NTRK3: variants seen among roughly 807,000 people sequenced by gnomAD.
NTRK3 encodes the protein NT-3 growth factor receptor.
A neutral mutation model predicts 91.7 loss-of-function variants in NTRK3; 24 were observed. That is an observed-to-expected ratio of 0.26 (90% CI 0.19 to 0.37). The LOEUF (loss-of-function observed/expected upper bound fraction) is 0.37, where lower values mean the gene tolerates loss of function less well. Among genes scored for constraint, NTRK3 ranks in the 10% least tolerant of loss-of-function variants. The pLI is 1.00. For synonymous variants in NTRK3, 483 were observed against 404.0 expected (o/e 1.20, Z -2.34); for missense variants, 880 against 1,068.9 (o/e 0.82, Z 2.46).
chr15:87,876,993 T>C (rs766455393), exon 19 of NTRK3: 1 of 1,613,966 alleles, frequency 6.2e-7, no homozygotes, highest in Non-Finnish European at 8.5e-7. Flanking sequence ...GAGGATTTTG[T>C]AGATCTCCTT....
chr15:87,919,608 G>A (rs368288560), intron 17 of NTRK3, among the ~76,000 whole-genome samples: 4 of 152,288 alleles, frequency 2.6e-5, no homozygotes, highest in African/African-American at 9.6e-5. Flanking sequence ...GGAGTGCAAA[G>A]ATGATAGCAA....
chr15:87,889,927 C>T (rs1467772407), intron 17 of NTRK3, among the ~76,000 whole-genome samples: 1 of 151,154 alleles, frequency 6.6e-6, no homozygotes. Flanking sequence ...GATTCCCCTA[C>T]CTTCTGCCCC....
intron 17 of NTRK3, among the ~76,000 whole-genome samples, chr15:87,914,531 A>G (rs958296072): frequency 6.6e-6 from 1 of 152,210 alleles, no homozygotes; most frequent in East Asian, 1.9e-4. Flanking sequence ...CATCTAATAT[A>G]GTATTATGTA....
chr15:88,041,045 C>T (rs938022869), intron 13 of NTRK3, among the ~76,000 whole-genome samples: 2 of 152,226 alleles, frequency 1.3e-5, no homozygotes, highest in Non-Finnish European at 2.9e-5. Flanking sequence ...ATTTTCTCAA[C>T]AGTATGGCTG....
intron 13 of NTRK3, among the ~76,000 whole-genome samples, chr15:88,073,324 T>C (rs1462128344): frequency 6.6e-6 from 1 of 152,188 alleles, no homozygotes; most frequent in Non-Finnish European, 1.5e-5. Context: ...AAGCATGGCC[T>C]AAAACAGTGA....
chr15:88,036,503 G>A (rs1265818358), intron 13 of NTRK3, among the ~76,000 whole-genome samples: 2 of 152,022 alleles, frequency 1.3e-5, no homozygotes, highest in Non-Finnish European at 2.9e-5. Flanking sequence ...GCTTGTCCCC[G>A]TCTTAGCATG....
chr15:88,048,075 A>C (rs887818262), intron 13 of NTRK3, among the ~76,000 whole-genome samples: 1 of 152,202 alleles, frequency 6.6e-6, no homozygotes, highest in African/African-American at 2.4e-5. Flanking sequence ...CTTCTTAGGC[A>C]GTCAATAAAT....
chr15:87,943,626 ACT>A (rs1390213912), intron 14 of NTRK3, among the ~76,000 whole-genome samples: 2 of 151,956 alleles, frequency 1.3e-5, no homozygotes, highest in Admixed American at 6.6e-5. Flanking sequence ...AGAGAACCAG[ACT>A]CTGTTTTTCA....
At chr15:87,923,905 G>A (rs2068079308) in intron 17 of NTRK3, among the ~76,000 whole-genome samples, 1 of 152,138 alleles carries the variant, frequency 6.6e-6, no homozygotes, top group Non-Finnish European at 1.5e-5. Context: ...CTTCTGCCAT[G>A]TTATGACACA....
intron 13 of NTRK3, among the ~76,000 whole-genome samples, chr15:88,040,240 C>A (rs2079471450): frequency 6.6e-6 from 1 of 152,230 alleles, no homozygotes; most frequent in Non-Finnish European, 1.5e-5. Context: ...GAAAGCAAAA[C>A]TTTCTGATGG....
At chr15:87,896,096 G>A (rs189261779) in intron 17 of NTRK3, among the ~76,000 whole-genome samples, 7 of 152,202 alleles carry the variant, frequency 4.6e-5, no homozygotes, top group Admixed American at 2.6e-4. Flanking sequence ...CGACCACATT[G>A]GGCACATGTT....
chr15:88,211,843 A>G (rs1173110164), intron 3 of NTRK3, among the ~76,000 whole-genome samples: 1 of 152,238 alleles, frequency 6.6e-6, no homozygotes, highest in Non-Finnish European at 1.5e-5. Context: ...TGCAGAGGAC[A>G]TGTTCTTATA....
At chr15:87,966,457 C>T (rs931105794) in intron 14 of NTRK3, among the ~76,000 whole-genome samples, 1 of 152,174 alleles carries the variant, frequency 6.6e-6, no homozygotes, top group African/African-American at 2.4e-5. Flanking sequence ...CCTTCTCTTC[C>T]ACCCCCATCT....
intron 13 of NTRK3, among the ~76,000 whole-genome samples, chr15:88,075,290 G>A (rs553582237): frequency 1.3e-5 from 2 of 152,196 alleles, no homozygotes; most frequent in Non-Finnish European, 2.9e-5. Context: ...TCTGCATGAC[G>A]TCAGCCCCTG....
intron 14 of NTRK3, among the ~76,000 whole-genome samples, chr15:87,993,619 C>T (rs1175671770): frequency 1.3e-5 from 2 of 152,122 alleles, no homozygotes; most frequent in Non-Finnish European, 2.9e-5. Flanking sequence ...ATCACCTCCC[C>T]CAAAGGCCTA....
At chr15:88,056,640 C>T (rs754510062) in intron 13 of NTRK3, among the ~76,000 whole-genome samples, 10 of 152,198 alleles carry the variant, frequency 6.6e-5, no homozygotes, top group Non-Finnish European at 1.5e-4. Flanking sequence ...ATGTGCTGCT[C>T]ACTCGTTCCC....
intron 17 of NTRK3, among the ~76,000 whole-genome samples, chr15:87,881,641 G>C (rs1396168030): frequency 6.6e-6 from 1 of 151,810 alleles, no homozygotes; most frequent in African/African-American, 2.4e-5. Context: ...GGATGGTCTC[G>C]ATCTTCTGAC....
intron 14 of NTRK3, among the ~76,000 whole-genome samples, chr15:87,952,530 TC>T (rs1434142258): frequency 6.6e-6 from 1 of 152,108 alleles, no homozygotes; most frequent in African/African-American, 2.4e-5. Context: ...GACAGACAGC[TC>T]CCCGTCCCTC....
intron 14 of NTRK3, among the ~76,000 whole-genome samples, chr15:88,004,645 C>T (rs1199267578): frequency 6.6e-6 from 1 of 152,200 alleles, no homozygotes; most frequent in Admixed American, 6.5e-5. Context: ...ACCCTACTGC[C>T]TTCCACAGGG....
Sources: allele counts gnomAD v4.1 joint callset (sites outside exome capture counted in the v4.1 genomes callset), GRCh38; gene constraint gnomAD v4.1.1; transcripts MANE v1.5; gene names NCBI Gene and HGNC (gene_info 2026-07-23, HGNC 2026-07-21).